The following CPEB2 variants were observed in gnomAD, a reference collection of about 807,000 sequenced individuals.
CPEB2 encodes the protein cytoplasmic polyadenylation element binding protein 2, also known as cytoplasmic polyadenylation element-binding protein 2.
In CPEB2, 56 loss-of-function variants were observed where a neutral mutation model predicts 93.6. That is an observed-to-expected ratio of 0.60 (90% confidence interval 0.48 to 0.75). CPEB2 has a LOEUF of 0.75. Ranked by LOEUF, CPEB2 falls within the 30% of genes least tolerant of loss-of-function variation. The probability of loss-of-function intolerance (pLI) is 0.00; values close to 1 mark genes in which losing one functional copy is unlikely to be tolerated. For synonymous variants in CPEB2, 764 were observed against 586.3 expected (o/e 1.30, Z -4.38); for missense variants, 1,579 against 1,395.1 (o/e 1.13, Z -2.10).
chr4:15,043,282 G>A (rs1276901340), intron 6 of CPEB2, among the ~76,000 whole-genome samples: 1 of 152,074 alleles, frequency 6.6e-6, no homozygotes, highest in East Asian at 1.9e-4. Flanking sequence ...TATACTTTAG[G>A]AATAATCAAA....
chr4:15,019,210 A>AGGG (rs1560223970), intron 4 of CPEB2, among the ~76,000 whole-genome samples: 1 of 151,546 alleles, frequency 6.6e-6, no homozygotes, highest in Admixed American at 6.6e-5. Context: ...AAATCGAGAA[A>AGGG]CTTTCTCTGC....
intron 6 of CPEB2, among the ~76,000 whole-genome samples, chr4:15,041,248 A>G (rs1381317659): frequency 1.3e-5 from 2 of 152,168 alleles, no homozygotes; most frequent in African/African-American, 4.8e-5. Flanking sequence ...AAGCAAAAGT[A>G]TGCTACTAGA....
At chr4:15,057,148 A>C (rs543843279) in intron 8 of CPEB2, among the ~76,000 whole-genome samples, 9 of 152,218 alleles carry the variant, frequency 5.9e-5, no homozygotes, top group South Asian at 2.1e-4. Flanking sequence ...TAAAGCCTTA[A>C]AAAAATCTTC....
rs1394925824 is a variant in CPEB2 at position 15,002,754 on chromosome 4, G to GT, written c.82dup (p.Tyr28LeufsTer69). 3.3e-6 allele frequency: 5 copies of GT among 1,535,354 alleles called. No homozygotes were observed. The Admixed American group carries it at 5.9e-5, about 18-fold the overall frequency. On this transcript the variant is annotated frameshift_variant, in exon 1 of 12. Coordinates refer to ENST00000538197, the MANE Select transcript of CPEB2 (RefSeq NM_001177382.2). LOFTEE classifies it high-confidence loss of function. The stretch of plus-strand genomic sequence containing the variant: ...CTGGGCCCCTGTTCTGCGGCGAGGC[G>GT]TATGGTCCTTACGCCGTGGGGTCCG...
intron 10 of CPEB2, 61 bp from the exon 11 acceptor site, chr4:15,062,018 T>C (rs1577472803): frequency 1.4e-6 from 2 of 1,428,408 alleles, no homozygotes; most frequent in East Asian, 4.6e-5. Flanking sequence ...CAAAAAGTAC[T>C]TAAAAATTGT....
intron 3 of CPEB2, among the ~76,000 whole-genome samples, chr4:15,011,458 G>A (rs1234372429): frequency 1.3e-5 from 2 of 151,976 alleles, no homozygotes; most frequent in East Asian, 3.9e-4. Context: ...AATGTCATTA[G>A]CTAGTTACCC....
intron 11 of CPEB2, among the ~76,000 whole-genome samples, chr4:15,063,274 C>A (rs1042805511): frequency 2.6e-4 from 40 of 151,958 alleles, no homozygotes; most frequent in African/African-American, 9.2e-4. Context: ...AATTACCCAA[C>A]CGTCTCATTT....
intron 4 of CPEB2, 100 bp downstream of exon 4, chr4:15,017,378 C>A: frequency 1.9e-6 from 1 of 529,728 alleles, no homozygotes; most frequent in African/African-American, 2.0e-5. Context: ...CACCTATATC[C>A]AATATAAAAC....
intron 5 of CPEB2, among the ~76,000 whole-genome samples, chr4:15,035,415 G>A (rs1726513987): frequency 6.6e-6 from 1 of 152,120 alleles, no homozygotes; most frequent in African/African-American, 2.4e-5. Flanking sequence ...ACTGTTCTGA[G>A]AAGTGAGTGA....
chr4:15,036,748 G>C (rs192823553), intron 5 of CPEB2, among the ~76,000 whole-genome samples: 526 of 152,290 alleles, frequency 3.5e-3, no homozygotes, highest in Non-Finnish European at 5.1e-3. Context: ...AAGCTAGTTA[G>C]AAATGTAAAT....
At chr4:15,065,178 A>G (rs1010138136) in intron 11 of CPEB2, among the ~76,000 whole-genome samples, 1 of 152,104 alleles carries the variant, frequency 6.6e-6, no homozygotes, top group African/African-American at 2.4e-5. Context: ...TGCGGAAAAT[A>G]TCCTTATATT....
At chr4:15,040,391 A>C (rs933816023) in intron 5 of CPEB2, 73 bp from the exon 6 acceptor site, 1 of 1,404,572 alleles carries the variant, frequency 7.1e-7, no homozygotes, top group Non-Finnish European at 9.7e-7. Flanking sequence ...AGCTTTTCGT[A>C]TCAGAAATAT....
At chr4:15,014,448 C>A (rs1365313440) in intron 3 of CPEB2, among the ~76,000 whole-genome samples, 1 of 151,920 alleles carries the variant, frequency 6.6e-6, no homozygotes, top group African/African-American at 2.4e-5. Context: ...TTTTATAATT[C>A]TATTTTAAAT....
chr4:15,026,727 T>C (rs1477553485), intron 4 of CPEB2, among the ~76,000 whole-genome samples: 1 of 152,230 alleles, frequency 6.6e-6, no homozygotes, highest in Non-Finnish European at 1.5e-5. Flanking sequence ...TTTAGAACTT[T>C]AAAGAATTCC....
intron 4 of CPEB2, among the ~76,000 whole-genome samples, chr4:15,025,649 G>C (rs934785828): frequency 6.6e-6 from 1 of 151,710 alleles, no homozygotes; most frequent in Non-Finnish European, 1.5e-5. Context: ...ATGAACCCAG[G>C]AGGGTTCTTT....
At position 15,003,217 on chromosome 4, in the gene CPEB2, T is replaced by C; in HGVS notation, c.544T>C (p.Phe182Leu). 3 of 1,530,418 alleles carry C rather than the reference T, an allele frequency of 2.0e-6. No individual in the cohort carries two copies. The highest frequency in any genetic ancestry group is 1.2e-5 in the South Asian group (1 of 83,844). 94.8% of individuals were successfully genotyped at this position (1,530,418 alleles called of 1,614,324 possible). Reference protein sequence around the residue: ...QQLSSQKRKEFSPPHLPHPPD... With the variant: ...QQLSSQKRKELSPPHLPHPPD... ...GCTGAGCAGCCAGAAGAGGAAAGAG[T>C]TCAGCCCTCCCCACCTTCCCCACCC... Residue 182 changes from phenylalanine (F) to leucine (L), a missense_variant, in exon 1 of 12, where the codon TTC (phenylalanine) becomes CTC (leucine). Phe to Leu is a conservative substitution (Grantham distance 22, BLOSUM62 0). Transcript: ENST00000538197.
chr4:15,003,855 C>G lies in CPEB2; in HGVS notation c.1182C>G (p.Pro394=). 1.2e-6 allele frequency: 1 copy of G among 854,548 alleles called. No individual in the cohort carries two copies. 52.9% of individuals were successfully genotyped at this position (854,548 alleles called of 1,614,324 possible). Residue 394 remains proline (P), a synonymous_variant, in exon 1 of 12, where the codon CCC becomes CCG. Coordinates refer to ENST00000538197, the MANE Select transcript of CPEB2 (RefSeq NM_001177382.2). ...SVQTASPPPQ[P]QQPPPTQPQQ... The stretch of plus-strand genomic sequence containing the variant: ...AGACCGCGTCGCCGCCACCCCAGCC[C>G]CAGCAGCCGCCGCCGACCCAGCCGC...
chr4:15,040,614 C>G (rs1358324674), intron 6 of CPEB2, 127 bp downstream of exon 6: 2 of 825,016 alleles, frequency 2.4e-6, no homozygotes, highest in Non-Finnish European at 3.7e-6. Context: ...TTGATTTGAG[C>G]ACTTGTCGAA....
chr4:15,033,306 T>G lies in CPEB2; in HGVS notation c.2176+95T>G, dbSNP rs1726305191. 3.8e-6 allele frequency: 3 copies of G among 784,876 alleles called. No homozygotes were observed. The East Asian group carries it at 7.9e-5, about 21-fold the overall frequency. The allele number at this position is 784,876 out of a possible 1,614,324, so 48.6% of individuals were successfully genotyped here. On this transcript the variant is annotated intron_variant, in intron 5 of 11. Coordinates refer to ENST00000538197, the MANE Select transcript of CPEB2 (RefSeq NM_001177382.2). ...GAACCTGTCCATACACACAATTTAA[T>G]CATTCTATGAGCATAAAAATAAAGT...
Sources: allele counts gnomAD v4.1 joint callset (sites outside exome capture counted in the v4.1 genomes callset), GRCh38; gene constraint gnomAD v4.1.1; transcripts MANE v1.5; gene names NCBI Gene and HGNC (gene_info 2026-07-23, HGNC 2026-07-21).